Variants in FANCD2 observed in about 807,000 individuals in gnomAD.
The protein encoded by FANCD2 is FA complementation group D2.
Under a neutral mutation model 192.3 loss-of-function variants are expected in FANCD2, and 131 were observed. The ratio of observed to expected loss-of-function variants is 0.68; its 90% CI spans 0.59 to 0.79. The LOEUF is 0.79. Ranked by LOEUF, FANCD2 falls within the 30% of genes least tolerant of loss-of-function variation. FANCD2 has a pLI of 0.00. For missense variants in FANCD2, 1,508 were observed against 1,701.6 expected, an observed-to-expected ratio of 0.89 and a Z score of 2.00; for synonymous variants, 524 against 612.5, an observed-to-expected ratio of 0.86 and a Z score of 2.13.
intron 14 of FANCD2, among the ~76,000 whole-genome samples, chr3:10,046,055 C>CTTTTT (rs57661428): frequency 8.0e-6 from 1 of 124,426 alleles, no homozygotes; most frequent in Non-Finnish European, 1.7e-5. Flanking sequence ...GCTCTGTATT[C>CTTTTT]TTTTTTTTTT....
intron 26 of FANCD2, among the ~76,000 whole-genome samples, chr3:10,069,575 C>A (rs1440642511): frequency 6.6e-6 from 1 of 151,090 alleles, no homozygotes; most frequent in East Asian, 1.9e-4. Context: ...GATTCTCCTG[C>A]CTCAGCCTGC....
At chr3:10,098,843 G>T in intron 43 of FANCD2, 28 bp downstream of exon 43, 1 of 1,614,180 alleles carries the variant, frequency 6.2e-7, no homozygotes, top group African/African-American at 1.3e-5. Flanking sequence ...ACCAGAGTCT[G>T]GCACTGATGG....
At chr3:10,078,290 G>A (rs2125054915) in intron 30 of FANCD2, 93 bp downstream of exon 30, 1 of 835,100 alleles carries the variant, frequency 1.2e-6, no homozygotes, top group East Asian at 2.5e-5. Flanking sequence ...CTTTGGCATT[G>A]TGTTTGGGTC....
At chr3:10,096,570 A>G in intron 42 of FANCD2, 98 bp downstream of exon 42, 1 of 1,118,268 alleles carries the variant, frequency 8.9e-7, no homozygotes, top group Non-Finnish European at 1.4e-6. Flanking sequence ...CTCGTCTCTC[A>G]GTAAGGCTAC....
intron 43 of FANCD2, 41 bp downstream of exon 43, chr3:10,098,856 G>A (rs2125101186): frequency 6.2e-7 from 1 of 1,614,186 alleles, no homozygotes; most frequent in East Asian, 2.2e-5. Flanking sequence ...ACTGATGGTT[G>A]CATTTTGTTA....
intron 1 of FANCD2, 24 bp downstream of exon 1, chr3:10,026,497 T>C (rs2086453315): frequency 1.9e-6 from 1 of 514,576 alleles, no homozygotes; most frequent in Non-Finnish European, 2.5e-6. Context: ...GCAATGGTCG[T>C]AGTCTCTCGA....
chr3:10,048,979 C>T (rs1381727652), intron 16 of FANCD2, among the ~76,000 whole-genome samples: 1 of 151,994 alleles, frequency 6.6e-6, no homozygotes, highest in Non-Finnish European at 1.5e-5. Flanking sequence ...CTAGCCTGTA[C>T]TATATGGAGA....
chr3:10,073,612 C>G (rs1057070598), intron 28 of FANCD2, among the ~76,000 whole-genome samples: 1 of 152,056 alleles, frequency 6.6e-6, no homozygotes, highest in Non-Finnish European at 1.5e-5. Flanking sequence ...TTTTGTACCC[C>G]AGCAGTACAT....
intron 26 of FANCD2, among the ~76,000 whole-genome samples, chr3:10,070,147 G>A (rs1459068132): frequency 2.7e-5 from 4 of 149,170 alleles, no homozygotes; most frequent in African/African-American, 5.0e-5. Context: ...GTCTCTGCCC[G>A]GCTGCCCCGT....
intron 3 of FANCD2, among the ~76,000 whole-genome samples, chr3:10,033,758 T>C (rs1308654653): frequency 1.3e-4 from 16 of 123,810 alleles, no homozygotes; most frequent in African/African-American, 4.8e-4. Flanking sequence ...TGGAGTGCAG[T>C]GGCGCGATCT....
intron 34 of FANCD2, among the ~76,000 whole-genome samples, chr3:10,087,869 G>A (rs6808853): frequency 0.026 from 3,947 of 151,856 alleles, 177 homozygotes; most frequent in African/African-American, 0.09. Flanking sequence ...GGCTGGTCTC[G>A]AACTCCTGAC....
chr3:10,065,443 T>C lies in FANCD2; in HGVS notation c.2218T>C (p.Cys740Arg), dbSNP rs368885711. The change falls in exon 24 of 44, where the codon TGT becomes CGT. Residue 740 changes from cysteine to arginine, a missense_variant. Coordinates refer to ENST00000675286, the MANE Select transcript of FANCD2 (RefSeq NM_001018115.3). Reference sequence around the variant, plus strand: ...TCCGTATTTCCGGTTACTGAGACTTTGTGTGGAGAGACAGCATAACGGAAA... The same window carrying C: ...TCCGTATTTCCGGTTACTGAGACTTCGTGTGGAGAGACAGCATAACGGAAA... ...LAPYFRLLRL[C>R]VERQHNGNLE... 1 of 1,614,074 alleles carries C rather than the reference T, an allele frequency of 6.2e-7. No homozygotes were observed. The highest frequency in any genetic ancestry group is 8.5e-7 in the Non-Finnish European group (1 of 1,179,926).
At chr3:10,054,916 G>T (rs2087364445) in intron 18 of FANCD2, among the ~76,000 whole-genome samples, 1 of 151,050 alleles carries the variant, frequency 6.6e-6, no homozygotes, top group East Asian at 1.9e-4. Flanking sequence ...ACATATAGAA[G>T]AGTATTCAGT....
intron 7 of FANCD2, among the ~76,000 whole-genome samples, chr3:10,038,302 T>G (rs2086780931): frequency 1.3e-5 from 2 of 152,132 alleles, no homozygotes; most frequent in Non-Finnish European, 2.9e-5. Context: ...AAGGTTTATT[T>G]TTTCAAATTT....
At chr3:10,073,866 C>G (rs573948256) in intron 28 of FANCD2, among the ~76,000 whole-genome samples, 2 of 152,228 alleles carry the variant, frequency 1.3e-5, no homozygotes, top group South Asian at 4.1e-4. Flanking sequence ...AGTGACTTGC[C>G]CAAAGTCACA....
At chr3:10,035,493 G>C (rs1423960695) in intron 6 of FANCD2, among the ~76,000 whole-genome samples, 2 of 151,910 alleles carry the variant, frequency 1.3e-5, no homozygotes, top group South Asian at 2.1e-4. Flanking sequence ...TGCATCCTGT[G>C]TATCTCTGAG....
At chr3:10,084,318 G>A (rs1320882388) in intron 32 of FANCD2, among the ~76,000 whole-genome samples, 3 of 150,474 alleles carry the variant, frequency 2.0e-5, no homozygotes, top group Non-Finnish European at 3.0e-5. Context: ...CTGAGACAGG[G>A]TCTTGCTCTG....
At chr3:10,035,337 A>C (rs894228293) in intron 6 of FANCD2, 104 bp downstream of exon 6, 1 of 1,061,006 alleles carries the variant, frequency 9.4e-7, no homozygotes, top group African/African-American at 1.6e-5. Flanking sequence ...TAATTGGAGA[A>C]TTTGGGTTTG....
In FANCD2 at chr3:10,072,980, A is replaced by G; in HGVS notation, c.2604A>G (p.Ile868Met). Residue 868 changes from isoleucine to methionine, a missense_variant and splice_region_variant, in exon 27 of 44, where the codon ATA becomes ATG. Physicochemically the swap from Ile to Met is conservative, Grantham distance 10. Around this residue, in one of 5 missense-constraint regions of FANCD2, gnomAD observed 796 missense variants for 879.4 expected, o/e 0.91. Transcript: ENST00000675286. Reference protein sequence around the residue: ...ISAKIRKKGKIERKQKTDGSK... With the variant: ...ISAKIRKKGKMERKQKTDGSK... ...CAAAAATCAGAAAGAAAGGAAAAATAGGTAAGTATGTTCTTTTCCTCTTGT... is the reference window on the plus strand; with the variant it reads ...CAAAAATCAGAAAGAAAGGAAAAATGGGTAAGTATGTTCTTTTCCTCTTGT... 6.6e-7 allele frequency: 1 copy of G among 1,504,696 alleles called. No homozygotes were observed. The highest frequency in any genetic ancestry group is 9.3e-7 in the Non-Finnish European group (1 of 1,080,278). The allele number at this position is 1,504,696 out of a possible 1,614,324, so 93.2% of individuals were successfully genotyped here.
Sources: allele counts gnomAD v4.1 joint callset (sites outside exome capture counted in the v4.1 genomes callset), GRCh38; gene constraint gnomAD v4.1.1; regional missense constraint gnomAD v4.1.1; transcripts MANE v1.5; gene names NCBI Gene and HGNC (gene_info 2026-07-23, HGNC 2026-07-21).